ALDH1L1: variants seen among roughly 807,000 people sequenced by gnomAD.
ALDH1L1 encodes the protein cytosolic 10-formyltetrahydrofolate dehydrogenase.
ALDH1L1 carries 68 observed loss-of-function variants against 101.1 expected under a neutral mutation model. The ratio of observed to expected loss-of-function variants is 0.67; its 90% CI spans 0.55 to 0.82. The LOEUF (loss-of-function observed/expected upper bound fraction) is 0.82, where lower values mean the gene tolerates loss of function less well. ALDH1L1 is among the 40% of genes least tolerant of loss of function. The pLI is 0.00. For synonymous variants in ALDH1L1, 486 were observed against 470.8 expected (o/e 1.03, Z -0.42); for missense variants, 1,087 against 1,172.7 (o/e 0.93, Z 1.07).
upstream of ALDH1L1, among the ~76,000 whole-genome samples, chr3:126,184,741 A>G (rs1259631396): frequency 2.0e-5 from 3 of 152,212 alleles, no homozygotes; most frequent in Admixed American, 2.0e-4. Flanking sequence ...TTTCTGTTGT[A>G]TAATGATGAT....
chr3:126,184,543 G>A (rs1268115653), upstream of ALDH1L1, among the ~76,000 whole-genome samples: 1 of 152,228 alleles, frequency 6.6e-6, no homozygotes, highest in African/African-American at 2.4e-5. Context: ...AAGCCCTGCA[G>A]AGAGAGCCTC....
intron 1 of ALDH1L1, among the ~76,000 whole-genome samples, chr3:126,191,668 G>A (rs2081554186): frequency 6.6e-6 from 1 of 152,226 alleles, no homozygotes; most frequent in Admixed American, 6.5e-5. Context: ...CTGTCTTTTA[G>A]CTGTAGGCCA....
In ALDH1L1 at chr3:126,103,837, G is replaced by A; in HGVS notation, c.2663C>T (p.Ala888Val). The A allele has an allele frequency of 6.2e-7, 1 of 1,613,376 alleles. No individual in the cohort carries two copies. The highest frequency in any genetic ancestry group is 8.5e-7 in the Non-Finnish European group (1 of 1,179,746). Residue 888 changes from alanine (A) to valine (V), a missense_variant, in exon 23 of 23, where the codon GCT becomes GTT. Ala to Val is a moderately conservative substitution (Grantham distance 64, BLOSUM62 0). Transcript: ENST00000393434. ...CTTGACCCGCAGGTACTCGTTCAGA[G>A]CCGCCTCTCCTGTAAGACACCACAA... Reference protein sequence around the residue: ...SGFGKDLGEAALNEYLRVKTV... With the variant: ...SGFGKDLGEAVLNEYLRVKTV...
At chr3:126,123,487 A>G (rs1337491162) in intron 16 of ALDH1L1, among the ~76,000 whole-genome samples, 1 of 151,960 alleles carries the variant, frequency 6.6e-6, no homozygotes, top group East Asian at 1.9e-4. Context: ...TGAATTCCTG[A>G]CCTCAGGTGA....
chr3:126,109,647 C>A (rs1946011152), intron 20 of ALDH1L1, among the ~76,000 whole-genome samples: 1 of 152,178 alleles, frequency 6.6e-6, no homozygotes, highest in Admixed American at 6.5e-5. Context: ...ATAATAAAAT[C>A]TAGTCTCATG....
chr3:126,130,091 CAA>C, intron 14 of ALDH1L1, 130 bp downstream of exon 14: 1 of 783,610 alleles, frequency 1.3e-6, no homozygotes, highest in Non-Finnish European at 1.8e-6. Flanking sequence ...AGCAGGTGCT[CAA>C]GAAGCACATG....
intron 1 of ALDH1L1, among the ~76,000 whole-genome samples, chr3:126,162,230 A>G (rs2081073951): frequency 6.6e-6 from 1 of 152,182 alleles, no homozygotes; most frequent in Non-Finnish European, 1.5e-5. Flanking sequence ...GTGTGTACTT[A>G]GGGTGGAATT....
intron 8 of ALDH1L1, among the ~76,000 whole-genome samples, chr3:126,147,489 G>GCA (rs2080719716): frequency 6.6e-6 from 1 of 152,222 alleles, no homozygotes; most frequent in South Asian, 2.1e-4. Flanking sequence ...TGGGACCTAT[G>GCA]GAGGGCAGCA....
intron 8 of ALDH1L1, among the ~76,000 whole-genome samples, chr3:126,148,644 C>G (rs114417926): frequency 6.6e-6 from 1 of 152,120 alleles, no homozygotes; most frequent in East Asian, 1.9e-4. Flanking sequence ...CTCCAGAGCC[C>G]GGACTCCACT....
At chr3:126,169,698 T>G (rs1315676061) in intron 1 of ALDH1L1, among the ~76,000 whole-genome samples, 5 of 152,216 alleles carry the variant, frequency 3.3e-5, no homozygotes, top group Admixed American at 6.5e-5. Context: ...TAACAACTCT[T>G]ATCTCAAATT....
At chr3:126,192,848 GC>G (rs778705606) in intron 1 of ALDH1L1, among the ~76,000 whole-genome samples, 13 of 152,182 alleles carry the variant, frequency 8.5e-5, no homozygotes, top group African/African-American at 1.2e-4. Flanking sequence ...GAATCGGGCA[GC>G]CCCCAGAATC....
At chr3:126,104,512 G>C (rs4646757) in intron 22 of ALDH1L1, 93,292 of 152,708 alleles carry the variant, frequency 0.61, 28,937 homozygotes, top group African/African-American at 0.71. Flanking sequence ...GGAACTCGGG[G>C]AGGATTCATA....
chr3:126,156,045 T>C (rs979394162), intron 4 of ALDH1L1: 1 of 152,638 alleles, frequency 6.6e-6, no homozygotes, highest in African/African-American at 2.4e-5. Flanking sequence ...GAATGGGAAG[T>C]GACCGGGTGT....
In ALDH1L1 at chr3:126,189,298, C is replaced by T. The variant is rs191971502; in HGVS notation, c.-24+8437G>A. On this transcript the variant is annotated intron_variant, in intron 1 of 2. Coordinates refer to the ALDH1L1 transcript ENST00000509952. ...TTCCAAGTAAAAAAGTAGGCATAAA[C>T]GAGGAAAACTCAACAGGGAAAGCGT... Among the ~76,000 whole-genome samples, 298 of 152,254 alleles carry T rather than the reference C, an allele frequency of 2.0e-3. 3 individuals carry two copies. The highest frequency in any genetic ancestry group is 7.7e-4 in the East Asian group (4 of 5,180).
At chr3:126,127,428 T>C (rs926856145) in intron 14 of ALDH1L1, among the ~76,000 whole-genome samples, 1 of 152,170 alleles carries the variant, frequency 6.6e-6, no homozygotes, top group Admixed American at 6.5e-5. Flanking sequence ...GCCATTCTCC[T>C]GCTGTGCGGC....
chr3:126,135,714 G>C, intron 11 of ALDH1L1, 52 bp from the exon 12 acceptor site: 1 of 1,455,986 alleles, frequency 6.9e-7, no homozygotes, highest in Non-Finnish European at 9.1e-7. Context: ...GTTGCACACA[G>C]ATACCCCTGC....
chr3:126,103,945 TCTG>T, intron 22 of ALDH1L1, 99 bp from the exon 23 acceptor site: 1 of 1,350,624 alleles, frequency 7.4e-7, no homozygotes, highest in Non-Finnish European at 1.0e-6. Context: ...TGGGGGCAGC[TCTG>T]GCTCACCCCA....
At chr3:126,116,027 C>A (rs1190082294) in intron 17 of ALDH1L1, among the ~76,000 whole-genome samples, 1 of 148,120 alleles carries the variant, frequency 6.8e-6, no homozygotes, top group South Asian at 2.1e-4. Flanking sequence ...CATATACCAC[C>A]ACACCTGGCT....
chr3:126,164,264 CT>C lies in ALDH1L1; in HGVS notation c.-23-3263del, dbSNP rs529122235. 6.3e-4 allele frequency among the ~76,000 whole-genome samples: 96 copies of C among 152,282 alleles called. 2 individuals carry two copies. The South Asian group carries it at 0.018, about 28-fold the overall frequency. ...TATTCAGGTTTTGGTGTAGCTTTCT[CT>C]TTCTTTCAACTTTTATTTTAGAAAC... On this transcript the variant is annotated intron_variant, in intron 1 of 22. Coordinates refer to ENST00000393434, the MANE Select transcript of ALDH1L1 (RefSeq NM_012190.4).
Sources: gnomAD v4.1 joint callset for allele counts (sites outside exome capture counted in the v4.1 genomes callset) on GRCh38, gnomAD v4.1.1 for gene constraint, MANE v1.5 for transcripts, NCBI Gene and HGNC (gene_info 2026-07-23, HGNC 2026-07-21) for gene names.